GLDC: variants seen among roughly 807,000 people sequenced by gnomAD.
GLDC encodes glycine decarboxylase, also known as glycine dehydrogenase (decarboxylating), mitochondrial.
In GLDC, 104 loss-of-function variants were observed where a neutral mutation model predicts 121.3. That is an observed-to-expected ratio of 0.86 (90% CI 0.73 to 1.01). The LOEUF is 1.01. Ranked by LOEUF, GLDC falls within the 50% of genes least tolerant of loss-of-function variation. GLDC has a pLI of 0.00. For synonymous variants in GLDC, 546 were observed against 480.6 expected, an observed-to-expected ratio of 1.14 and a Z score of -1.78; for missense variants, 1,429 against 1,306.6, an observed-to-expected ratio of 1.09 and a Z score of -1.44.
In GLDC at chr9:6,602,114, C is replaced by G; in HGVS notation, c.1150G>C (p.Ala384Pro). 6.3e-7 allele frequency: 1 copy of G among 1,595,214 alleles called. No homozygotes were observed. The highest frequency in any genetic ancestry group is 2.2e-5 in the East Asian group (1 of 44,794). ...RDKATSNICT[A>P]QALLANMAAM... ...AGGTCAGACGTGTGATTTACCTGAG[C>G]TGTACAGATGTTGCTGGTAGCCTTG... The change falls in exon 8 of 25, where the codon GCT (alanine) becomes CCT (proline). Residue 384 changes from alanine to proline, a missense_variant. Transcript: ENST00000321612.
chr9:6,632,066 A>C (rs975676477), intron 2 of GLDC, among the ~76,000 whole-genome samples: 4 of 152,152 alleles, frequency 2.6e-5, no homozygotes, highest in Admixed American at 6.5e-5. Flanking sequence ...ACCCTGCCTC[A>C]AAAAAAAGTC....
Position 6,644,606 on chromosome 9 carries a change from C to T in GLDC, c.334+8G>A, listed in dbSNP as rs773212382. ...TCTAAGTCCAAGGGAGCCCTCCCGG[C>T]CACTTACAAACAGGGTCTTCCATTT... On this transcript the variant is annotated splice_region_variant and intron_variant, in intron 2 of 24. Transcript: ENST00000321612. 2 of 1,596,374 alleles carry T rather than the reference C, an allele frequency of 1.3e-6. No homozygotes were observed. The highest frequency in any genetic ancestry group is 1.7e-6 in the Non-Finnish European group (2 of 1,163,866).
chr9:6,544,518 C>T (rs1369329747), intron 21 of GLDC, among the ~76,000 whole-genome samples: 3 of 151,810 alleles, frequency 2.0e-5, no homozygotes, highest in Non-Finnish European at 4.4e-5. Flanking sequence ...GTGGCGGGCA[C>T]CTGTAATCAT....
In GLDC at chr9:6,534,733, G is replaced by A. The variant is rs1489390970; in HGVS notation, c.2894C>T (p.Ser965Phe). ...GAGTGGGAATGCTGCCACCTCTCTG[G>A]AATAAGGCCGGTCCCAGTGGGAAGA... Reference protein sequence around the residue: ...VTSSHWDRPYSREVAAFPLPF... With the variant: ...VTSSHWDRPYFREVAAFPLPF... Residue 965 changes from serine to phenylalanine, a missense_variant, in exon 24 of 25, where the codon TCC (serine) becomes TTC (phenylalanine). By Grantham distance (155) the Ser-to-Phe change is radical. Transcript: ENST00000321612. 1.2e-6 allele frequency: 2 copies of A among 1,604,432 alleles called. No homozygotes were observed. The highest frequency in any genetic ancestry group is 8.5e-7 in the Non-Finnish European group (1 of 1,171,270).
intron 2 of GLDC, among the ~76,000 whole-genome samples, chr9:6,629,440 C>T (rs1345353315): frequency 6.6e-6 from 1 of 151,952 alleles, no homozygotes; most frequent in African/African-American, 2.4e-5. Flanking sequence ...GTCTTGAACT[C>T]CTGACCTCAG....
intron 15 of GLDC, among the ~76,000 whole-genome samples, chr9:6,585,832 C>CTATGTATGTATG (rs148214664): frequency 1.3e-4 from 19 of 148,090 alleles, no homozygotes; most frequent in Non-Finnish European, 2.2e-4. Flanking sequence ...TATCATTCAT[C>CTATGTATGTATG]TATGTATGTA....
chr9:6,609,896 C>A (rs1026108338), intron 4 of GLDC, among the ~76,000 whole-genome samples: 12 of 152,202 alleles, frequency 7.9e-5, no homozygotes, highest in Admixed American at 3.3e-4. Context: ...TCCTTCCTCC[C>A]AAAAATAGTC....
intron 8 of GLDC, among the ~76,000 whole-genome samples, chr9:6,598,068 A>G (rs749619905): frequency 6.6e-6 from 1 of 152,148 alleles, no homozygotes; most frequent in Non-Finnish European, 1.5e-5. Context: ...TGATTCTGTC[A>G]CCCAGGTTGG....
intron 21 of GLDC, among the ~76,000 whole-genome samples, chr9:6,547,093 G>A (rs1037346831): frequency 6.6e-6 from 1 of 151,940 alleles, no homozygotes; most frequent in African/African-American, 2.4e-5. Context: ...TAGACAACCC[G>A]CCTCAGCCTT....
At position 6,534,707 on chromosome 9, in the gene GLDC, C is replaced by T. The variant is rs386833575; in HGVS notation, c.2919+1G>A. 5.2e-6 allele frequency: 8 copies of T among 1,547,494 alleles called. No homozygotes were observed. Among genetic ancestry groups the T allele is most frequent in the African/African-American group, 2.7e-5 (2 of 73,560 alleles). On this transcript the variant is annotated splice_donor_variant, in intron 24 of 24. Transcript: ENST00000321612. LOFTEE classifies it high-confidence loss of function. ...GGCACATTCAGATTCAGAGAACTTA[C>T]GAGTGGGAATGCTGCCACCTCTCTG...
chr9:6,535,721 TAA>T (rs1445467223), intron 23 of GLDC, among the ~76,000 whole-genome samples: 2 of 152,230 alleles, frequency 1.3e-5, no homozygotes, highest in African/African-American at 4.8e-5. Flanking sequence ...ATAACTGCTC[TAA>T]TATAAGAATG....
At chr9:6,600,502 C>T (rs1818583577) in intron 8 of GLDC, among the ~76,000 whole-genome samples, 1 of 151,848 alleles carries the variant, frequency 6.6e-6, no homozygotes, top group Admixed American at 6.6e-5. Context: ...CATGATGAAA[C>T]CTGCCTCTAC....
chr9:6,603,183 G>A (rs552113307), intron 7 of GLDC, among the ~76,000 whole-genome samples: 3 of 151,286 alleles, frequency 2.0e-5, no homozygotes, highest in South Asian at 2.1e-4. Context: ...AGCCAAGATC[G>A]TACCACTGCA....
intron 15 of GLDC, 117 bp downstream of exon 15, chr9:6,587,024 A>T (rs1818284739): frequency 1.2e-6 from 1 of 832,842 alleles, no homozygotes; most frequent in Non-Finnish European, 2.1e-6. Flanking sequence ...GTGGAGTGGA[A>T]CTGTCTAGCA....
chr9:6,619,752 T>C (rs1233061597), intron 3 of GLDC, among the ~76,000 whole-genome samples: 1 of 152,098 alleles, frequency 6.6e-6, no homozygotes, highest in African/African-American at 2.4e-5. Context: ...CGGGGAATCC[T>C]GAGAGAAGAC....
chr9:6,532,511 A>G lies in GLDC; in HGVS notation c.*506T>C. 1.2e-5 allele frequency: 1 copy of G among 85,798 alleles called. No homozygotes were observed. Among genetic ancestry groups the G allele is most frequent in the African/African-American group, 4.2e-5 (1 of 23,570 alleles). The allele number at this position is 85,798 out of a possible 1,614,324, so 5.3% of individuals were successfully genotyped here. ...ATTAGAATACTAATAAATGCAGATTAAAAAAAAAAAAACCTCACACAGAAA... is the reference window on the plus strand; with the variant it reads ...ATTAGAATACTAATAAATGCAGATTGAAAAAAAAAAAACCTCACACAGAAA... On this transcript the variant is annotated 3_prime_UTR_variant, in exon 25 of 25. Transcript: ENST00000321612.
intron 21 of GLDC, among the ~76,000 whole-genome samples, chr9:6,546,894 G>A (rs566550029): frequency 7.9e-5 from 12 of 151,906 alleles, no homozygotes; most frequent in African/African-American, 1.2e-4. Context: ...CCTGGGAGGC[G>A]GAGGTTGCAG....
At chr9:6,644,268 G>T (rs1307017311) in intron 2 of GLDC, among the ~76,000 whole-genome samples, 2 of 151,768 alleles carry the variant, frequency 1.3e-5, no homozygotes, top group Non-Finnish European at 2.9e-5. Flanking sequence ...CCGGGTCTGC[G>T]CAGGTAATGA....
chr9:6,604,614 C>G lies in GLDC; in HGVS notation c.1032G>C (p.Met344Ile), dbSNP rs752892944. 5.0e-6 allele frequency: 8 copies of G among 1,612,798 alleles called. No individual in the cohort carries two copies. The highest frequency in any genetic ancestry group is 4.0e-5 in the African/African-American group (3 of 74,888). ...TTGTTACCCCCACCATTCTTCCAGGCATCATTCTCACCAAGCTTTCTCGGA... is the reference window on the plus strand; with the variant it reads ...TTGTTACCCCCACCATTCTTCCAGGGATCATTCTCACCAAGCTTTCTCGGA... The part of the protein sequence containing the change: ...FAVRESLVRM[M>I]PGRMVGVTRD... Residue 344 changes from methionine to isoleucine, a missense_variant, in exon 7 of 25, where the codon ATG becomes ATC. Met to Ile is a conservative substitution (Grantham distance 10). Coordinates refer to ENST00000321612, the MANE Select transcript of GLDC (RefSeq NM_000170.3).
Sources: gnomAD v4.1 joint callset for allele counts (sites outside exome capture counted in the v4.1 genomes callset) on GRCh38, gnomAD v4.1.1 for gene constraint, MANE v1.5 for transcripts, NCBI Gene and HGNC (gene_info 2026-07-23, HGNC 2026-07-21) for gene names.